Variants in ROBO2 observed in about 807,000 individuals in gnomAD.
ROBO2 encodes the protein roundabout guidance receptor 2, also known as roundabout homolog 2.
A neutral mutation model predicts 160.8 loss-of-function variants in ROBO2; 53 were observed. That is an observed-to-expected ratio of 0.33 (90% CI 0.26 to 0.41). The LOEUF (loss-of-function observed/expected upper bound fraction) is 0.41. ROBO2 is among the 10% of genes least tolerant of loss of function. The pLI is 1.00. For synonymous variants in ROBO2, 664 were observed against 611.7 expected, an observed-to-expected ratio of 1.09 and a Z score of -1.26; for missense variants, 1,577 against 1,722.4, an observed-to-expected ratio of 0.92 and a Z score of 1.49.
chr3:77,583,872 A>G (rs2093978068), intron 16 of ROBO2, among the ~76,000 whole-genome samples: 2 of 152,272 alleles, frequency 1.3e-5, no homozygotes, highest in South Asian at 2.1e-4. Context: ...ATTGGTTAGT[A>G]TGGGACTTCT....
chr3:77,005,628 T>C (rs568581855), intron 2 of ROBO2, among the ~76,000 whole-genome samples: 3 of 152,160 alleles, frequency 2.0e-5, no homozygotes, highest in African/African-American at 4.8e-5. Context: ...AAAATAAGAA[T>C]GATATAAACG....
chr3:76,973,335 G>T (rs1328670684), intron 2 of ROBO2, among the ~76,000 whole-genome samples: 2 of 151,974 alleles, frequency 1.3e-5, no homozygotes, highest in Non-Finnish European at 2.9e-5. Flanking sequence ...TCTTACTTCA[G>T]GTTATTATAT....
chr3:77,193,708 T>G (rs968251739), intron 2 of ROBO2, among the ~76,000 whole-genome samples: 5 of 152,130 alleles, frequency 3.3e-5, no homozygotes, highest in Non-Finnish European at 5.9e-5. Flanking sequence ...ATCATCCCTC[T>G]GGTTTAAGAA....
chr3:77,317,511 G>T (rs1414840027), intron 2 of ROBO2: 21 of 1,448,792 alleles, frequency 1.4e-5, no homozygotes, highest in Non-Finnish European at 2.0e-5. Context: ...CTCAGATTTC[G>T]TTTTCAAATC....
chr3:76,672,714 C>T (rs1056928807), intron 2 of ROBO2, among the ~76,000 whole-genome samples: 1 of 152,056 alleles, frequency 6.6e-6, no homozygotes, highest in African/African-American at 2.4e-5. Context: ...CTTCAGTCAC[C>T]AGTGTGCCCA....
At chr3:76,740,561 A>C (rs183021830) in intron 2 of ROBO2, among the ~76,000 whole-genome samples, 11 of 152,296 alleles carry the variant, frequency 7.2e-5, no homozygotes, top group African/African-American at 2.6e-4. Flanking sequence ...CTGACCTGGA[A>C]GAGTGAAGCA....
intron 2 of ROBO2, among the ~76,000 whole-genome samples, chr3:76,589,609 T>C (rs2108810762): frequency 6.6e-6 from 1 of 152,324 alleles, no homozygotes; most frequent in African/African-American, 2.4e-5. Flanking sequence ...GAAAAGAGTC[T>C]GATATTAAAA....
chr3:76,891,340 G>A (rs2074329331), intron 2 of ROBO2, among the ~76,000 whole-genome samples: 4 of 151,978 alleles, frequency 2.6e-5, no homozygotes, highest in Admixed American at 2.6e-4. Context: ...CTAAGCTGTT[G>A]AACAATTTAA....
At chr3:77,384,164 G>A (rs556543646) in intron 2 of ROBO2, among the ~76,000 whole-genome samples, 2 of 152,152 alleles carry the variant, frequency 1.3e-5, no homozygotes, top group Admixed American at 6.5e-5. Flanking sequence ...TTTGGGTGGA[G>A]ACTAGTGCTC....
chr3:76,254,170 A>G (rs1706212192), intron 2 of ROBO2, among the ~76,000 whole-genome samples: 1 of 152,096 alleles, frequency 6.6e-6, no homozygotes, highest in East Asian at 1.9e-4. Flanking sequence ...TTGTAGTGAT[A>G]TGAATTTGAG....
At chr3:77,369,162 C>T (rs1671277233) in intron 2 of ROBO2, among the ~76,000 whole-genome samples, 1 of 152,152 alleles carries the variant, frequency 6.6e-6, no homozygotes, top group African/African-American at 2.4e-5. Flanking sequence ...TAGAGTGAAG[C>T]AGGTGAAGTG....
At chr3:75,975,173 G>T (rs1417917657) in intron 2 of ROBO2, among the ~76,000 whole-genome samples, 1 of 151,424 alleles carries the variant, frequency 6.6e-6, no homozygotes, top group African/African-American at 2.4e-5. Flanking sequence ...GCATAGATTG[G>T]TTTATTTTGT....
chr3:77,378,896 A>G (rs905751281), intron 2 of ROBO2, among the ~76,000 whole-genome samples: 3 of 151,248 alleles, frequency 2.0e-5, no homozygotes, highest in Admixed American at 6.6e-5. Flanking sequence ...CCAACCCGGC[A>G]TGCGTAACAA....
chr3:76,858,337 A>G (rs566547229), intron 2 of ROBO2, among the ~76,000 whole-genome samples: 2 of 152,216 alleles, frequency 1.3e-5, no homozygotes, highest in South Asian at 4.1e-4. Context: ...ATCTTGGCTC[A>G]CTGCAGCCTC....
chr3:76,871,214 T>C (rs538253468), intron 2 of ROBO2, among the ~76,000 whole-genome samples: 2 of 152,342 alleles, frequency 1.3e-5, no homozygotes, highest in Admixed American at 1.3e-4. Context: ...TTAACACCTC[T>C]GCACTTTGTG....
At chr3:76,527,842 G>T (rs891718248) in intron 2 of ROBO2, among the ~76,000 whole-genome samples, 1 of 152,092 alleles carries the variant, frequency 6.6e-6, no homozygotes. Flanking sequence ...TTTTACCAAA[G>T]ACAGACAGCA....
At chr3:77,534,946 T>C (rs2091995010) in intron 6 of ROBO2, among the ~76,000 whole-genome samples, 2 of 152,156 alleles carry the variant, frequency 1.3e-5, no homozygotes. Flanking sequence ...GCCTAGAAAA[T>C]GTTTATGCAA....
intron 2 of ROBO2, among the ~76,000 whole-genome samples, chr3:76,951,431 G>C (rs2078947516): frequency 6.6e-6 from 1 of 152,124 alleles, no homozygotes; most frequent in Admixed American, 6.5e-5. Flanking sequence ...TAATGTATTT[G>C]AAATTAGATT....
chr3:75,924,934 C>T (rs6549824), intron 1 of ROBO2, among the ~76,000 whole-genome samples: 132,821 of 151,026 alleles, frequency 0.88, 58,472 homozygotes, highest in East Asian at 0.93. Flanking sequence ...GTGATCCGCC[C>T]GCCTCGGCCT....
Sources: allele counts gnomAD v4.1 joint callset (sites outside exome capture counted in the v4.1 genomes callset), GRCh38; gene constraint gnomAD v4.1.1; transcripts MANE v1.5; gene names NCBI Gene and HGNC (gene_info 2026-07-23, HGNC 2026-07-21).